The following AIG1 variants were observed in gnomAD, a reference collection of about 807,000 sequenced individuals.
The protein encoded by AIG1 is androgen induced 1, also known as androgen-induced gene 1 protein.
Under a neutral mutation model 31.4 loss-of-function variants are expected in AIG1, and 23 were observed. The ratio of observed to expected loss-of-function variants is 0.73; its 90% CI spans 0.53 to 1.04. The LOEUF (loss-of-function observed/expected upper bound fraction) is 1.04, where lower values mean the gene tolerates loss of function less well. Among genes scored for constraint, AIG1 ranks in the 50% least tolerant of loss-of-function variants. The pLI is 0.00. For synonymous variants in AIG1, 100 were observed against 110.5 expected, an observed-to-expected ratio of 0.90 and a Z score of 0.60; for missense variants, 274 against 295.0, an observed-to-expected ratio of 0.93 and a Z score of 0.52.
chr6:143,186,142 T>C (rs1013347308), intron 3 of AIG1, among the ~76,000 whole-genome samples: 1 of 152,228 alleles, frequency 6.6e-6, no homozygotes, highest in Admixed American at 6.5e-5. Context: ...TATCTGTACC[T>C]GTGTGCCGTG....
In AIG1 at chr6:143,284,252, T is replaced by C; in HGVS notation, c.515+27T>C. 1 of 1,536,846 alleles carries C rather than the reference T, an allele frequency of 6.5e-7. No homozygotes were observed. The highest frequency in any genetic ancestry group is 1.8e-4 in the Middle Eastern group (1 of 5,484). On this transcript the variant is annotated intron_variant, in intron 4 of 5. Coordinates refer to ENST00000357847, the MANE Select transcript of AIG1 (RefSeq NM_016108.4). This position sits in a 1 kb window ranked among gnomAD's most constrained non-coding sequence, Gnocchi z 4.4. ...TAAGGACCATGCCTGCTGGGCTTTC[T>C]TATTGTATTAGATTTTGCACTGCTA...
intron 2 of AIG1, 46 bp from the exon 3 acceptor site, chr6:143,165,036 T>C (rs1354070212): frequency 7.2e-7 from 1 of 1,383,958 alleles, no homozygotes; most frequent in Non-Finnish European, 1.0e-6. Flanking sequence ...TTGTATGTTG[T>C]GGATAGTCGA....
intron 4 of AIG1, among the ~76,000 whole-genome samples, chr6:143,321,589 A>T (rs1442389382): frequency 6.7e-6 from 1 of 150,166 alleles, no homozygotes; most frequent in East Asian, 1.9e-4. Flanking sequence ...AAGACTGTAT[A>T]AAAAAAAAAT....
At chr6:143,290,762 G>A (rs1214840917) in intron 4 of AIG1, among the ~76,000 whole-genome samples, 3 of 152,094 alleles carry the variant, frequency 2.0e-5, no homozygotes, top group East Asian at 3.9e-4. Context: ...TTGGGGGGTG[G>A]CAGGGGGATG....
intron 3 of AIG1, among the ~76,000 whole-genome samples, chr6:143,165,574 G>A (rs774616610): frequency 1.4e-4 from 21 of 152,132 alleles, no homozygotes; most frequent in East Asian, 5.8e-4. Context: ...GCCTCACATC[G>A]TCTGGATTTT....
At chr6:143,310,990 C>T (rs1775219925) in intron 4 of AIG1, among the ~76,000 whole-genome samples, 1 of 151,838 alleles carries the variant, frequency 6.6e-6, no homozygotes, top group South Asian at 2.1e-4. Context: ...GTTCAGATGG[C>T]TTCACTGGCA....
rs115895614 is a variant in AIG1, at chr6:143,338,050, G to A, written c.680-1589G>A. ...TGAATACCCCCCGTTCTCCACCCGCGCTTTTGAAGATTCCAGCACTGCTGC... is the reference window on the plus strand; with the variant it reads ...TGAATACCCCCCGTTCTCCACCCGCACTTTTGAAGATTCCAGCACTGCTGC... On this transcript the variant is annotated intron_variant, in intron 5 of 5. Coordinates refer to ENST00000357847, the MANE Select transcript of AIG1 (RefSeq NM_016108.4). This position sits in a 1 kb window ranked among gnomAD's most constrained non-coding sequence, Gnocchi z 4.3. 2.6e-3 allele frequency: 1,026 copies of A among 398,560 alleles called. 3 individuals carry two copies. The highest frequency in any genetic ancestry group is 0.018 in the African/African-American group (860 of 48,706). 24.7% of individuals were successfully genotyped at this position (398,560 alleles called of 1,614,324 possible). A position where few individuals can be genotyped will look rare whatever the true frequency, so the allele number is the denominator to read the frequency against.
In AIG1 at chr6:143,211,783, T is replaced by C. The variant is rs143130948; in HGVS notation, c.399+46600T>C. On this transcript the variant is annotated intron_variant, in intron 3 of 5. Transcript: ENST00000357847. ...TGGCACACGCTTGTAAGCCCAGTTA[T>C]TCGGGAGGCTGAGGCAGGGGAATTG... 7.1e-3 allele frequency among the ~76,000 whole-genome samples: 1,075 copies of C among 152,012 alleles called. 15 individuals carry two copies. Among genetic ancestry groups the C allele is most frequent in the African/African-American group, 0.025 (1,018 of 41,476 alleles).
intron 1 of AIG1, chr6:143,126,345 G>A (rs1484041344): frequency 3.3e-5 from 5 of 152,270 alleles, no homozygotes; most frequent in Admixed American, 6.5e-5. Flanking sequence ...AATTGCTACC[G>A]GGTGTTCAGA....
At chr6:143,195,190 G>A (rs1389589431) in intron 3 of AIG1, among the ~76,000 whole-genome samples, 1 of 152,110 alleles carries the variant, frequency 6.6e-6, no homozygotes, top group Non-Finnish European at 1.5e-5. Context: ...TGGTGATTTA[G>A]GGAGCAATTT....
chr6:143,296,599 C>G (rs1798442485), intron 4 of AIG1, among the ~76,000 whole-genome samples: 1 of 152,040 alleles, frequency 6.6e-6, no homozygotes, highest in Admixed American at 6.6e-5. Flanking sequence ...CCCACAGCAC[C>G]CAACAGAGGC....
chr6:143,071,656 C>CGTGGTGGTGGTGGTG lies in AIG1; in HGVS notation c.141+10604_141+10605insGGTGGTGGTGGTGGT, dbSNP rs925359508. On this transcript the variant is annotated intron_variant, in intron 1 of 5. Coordinates refer to ENST00000357847, the MANE Select transcript of AIG1 (RefSeq NM_016108.4). ...TAATTGGTGTATAGTGATATCTCAT[C>CGTGGTGGTGGTGGTG]GTGGTGGTGGTGGTAGTGGTGGTTC... 4.0e-5 allele frequency among the ~76,000 whole-genome samples: 6 copies of CGTGGTGGTGGTGGTG among 151,688 alleles called. No individual in the cohort carries two copies. The South Asian group carries it at 6.3e-4, about 16-fold the overall frequency.
chr6:143,077,700 G>A (rs1374518254), intron 1 of AIG1, among the ~76,000 whole-genome samples: 1 of 152,166 alleles, frequency 6.6e-6, no homozygotes, highest in Non-Finnish European at 1.5e-5. Context: ...GGAGTGTGCT[G>A]AGCTTCTTGA....
intron 3 of AIG1, among the ~76,000 whole-genome samples, chr6:143,265,598 T>C (rs1468694227): frequency 6.6e-6 from 1 of 152,180 alleles, no homozygotes; most frequent in Non-Finnish European, 1.5e-5. Context: ...CAAAATAAAT[T>C]GTTTCCATTC....
chr6:143,070,578 T>G (rs1422603306), intron 1 of AIG1, among the ~76,000 whole-genome samples: 2 of 152,174 alleles, frequency 1.3e-5, no homozygotes, highest in Non-Finnish European at 2.9e-5. Flanking sequence ...TACAAAAGCA[T>G]GGTGCTGGCA....
intron 5 of AIG1, among the ~76,000 whole-genome samples, chr6:143,337,394 C>T (rs1418835452): frequency 6.6e-6 from 1 of 152,046 alleles, no homozygotes; most frequent in Non-Finnish European, 1.5e-5. Context: ...TACCTAATTT[C>T]GTTAGCACAT....
At chr6:143,337,720 T>G (rs1777610341) in intron 5 of AIG1, among the ~76,000 whole-genome samples, 1 of 152,134 alleles carries the variant, frequency 6.6e-6, no homozygotes, top group Non-Finnish European at 1.5e-5. Flanking sequence ...CAGCTACCCG[T>G]GCAGGTCATT....
intron 1 of AIG1, among the ~76,000 whole-genome samples, chr6:143,123,332 A>C (rs1448603310): frequency 2.6e-5 from 4 of 152,228 alleles, no homozygotes; most frequent in African/African-American, 9.6e-5. Flanking sequence ...ACTAATGATG[A>C]TTTCATTACA....
chr6:143,244,156 G>A (rs1363734419), intron 3 of AIG1, among the ~76,000 whole-genome samples: 1 of 152,202 alleles, frequency 6.6e-6, no homozygotes, highest in African/African-American at 2.4e-5. Flanking sequence ...TATGTTAAAT[G>A]GTACTGGAAG....
Sources: gnomAD v4.1 joint callset for allele counts (sites outside exome capture counted in the v4.1 genomes callset) on GRCh38, gnomAD v4.1.1 for gene constraint, Gnocchi (gnomAD v3.1) non-coding constraint, MANE v1.5 for transcripts, NCBI Gene and HGNC (gene_info 2026-07-23, HGNC 2026-07-21) for gene names.